Variants in SORBS2 observed in about 807,000 individuals in gnomAD.
SORBS2 encodes the protein sorbin and SH3 domain containing 2, also known as sorbin and SH3 domain-containing protein 2.
SORBS2 carries 46 observed loss-of-function variants against 97.7 expected under a neutral mutation model. The ratio of observed to expected loss-of-function variants is 0.47; its 90% confidence interval spans 0.37 to 0.60. The LOEUF (loss-of-function observed/expected upper bound fraction) is 0.60. Among genes scored for constraint, SORBS2 ranks in the 20% least tolerant of loss-of-function variants. The pLI is 0.00. For missense variants in SORBS2, 1,316 were observed against 1,282.3 expected (o/e 1.03, Z -0.40); for synonymous variants, 476 against 473.4 (o/e 1.01, Z -0.07).
intron 2 of SORBS2, among the ~76,000 whole-genome samples, chr4:185,756,172 A>G (rs2098829328): frequency 1.3e-5 from 2 of 152,294 alleles, no homozygotes; most frequent in East Asian, 1.9e-4. Flanking sequence ...CGAATACAAG[A>G]TGCTCAACAG....
At chr4:185,677,383 T>C in intron 4 of SORBS2, 1 of 1,552,386 alleles carries the variant, frequency 6.4e-7, no homozygotes. Context: ...GGATCCGTGC[T>C]GGAAGCTGCT....
chr4:185,919,870 T>G (rs924164433), intron 1 of SORBS2, among the ~76,000 whole-genome samples: 1 of 152,268 alleles, frequency 6.6e-6, no homozygotes, highest in Non-Finnish European at 1.5e-5. Flanking sequence ...TGGCATATAT[T>G]TGATGCTCAA....
chr4:185,687,304 A>T (rs2097984923), intron 2 of SORBS2, among the ~76,000 whole-genome samples: 1 of 152,236 alleles, frequency 6.6e-6, no homozygotes, highest in South Asian at 2.1e-4. Context: ...CTGGAATTAC[A>T]GGCGTGAGCC....
intron 1 of SORBS2, among the ~76,000 whole-genome samples, chr4:185,933,937 G>T (rs776302245): frequency 1.4e-4 from 22 of 152,176 alleles, no homozygotes; most frequent in Non-Finnish European, 2.6e-4. Context: ...TGGCTTTAAA[G>T]TCTCTCTATA....
At chr4:185,790,225 A>G (rs80010644) in intron 1 of SORBS2, among the ~76,000 whole-genome samples, 13,469 of 152,130 alleles carry the variant, frequency 0.089, 1,116 homozygotes, top group East Asian at 0.44. Flanking sequence ...AACTACACTT[A>G]TCTCCACTCA....
intron 1 of SORBS2, among the ~76,000 whole-genome samples, chr4:185,946,625 T>C (rs1259248131): frequency 6.6e-6 from 1 of 152,152 alleles, no homozygotes; most frequent in Non-Finnish European, 1.5e-5. Context: ...CAAACAAACA[T>C]CCTTCCATCT....
chr4:185,807,131 G>GA (rs1373664592), intron 1 of SORBS2, among the ~76,000 whole-genome samples: 4 of 151,828 alleles, frequency 2.6e-5, no homozygotes, highest in Non-Finnish European at 5.9e-5. Flanking sequence ...TAAATGAACA[G>GA]AAAAAAACAA....
chr4:185,895,560 C>A (rs73019901), intron 1 of SORBS2, among the ~76,000 whole-genome samples: 4,549 of 152,278 alleles, frequency 0.03, 193 homozygotes, highest in African/African-American at 0.094. Flanking sequence ...GCATCACCCC[C>A]GCCAGGATCC....
chr4:185,759,371 T>A (rs1298573132), intron 2 of SORBS2, among the ~76,000 whole-genome samples: 1 of 152,328 alleles, frequency 6.6e-6, no homozygotes, highest in East Asian at 1.9e-4. Flanking sequence ...GCCCTCTTTG[T>A]ACATGTGAGG....
At chr4:185,917,176 C>T (rs1732388130) in intron 1 of SORBS2, among the ~76,000 whole-genome samples, 2 of 152,320 alleles carry the variant, frequency 1.3e-5, no homozygotes, top group South Asian at 4.1e-4. Flanking sequence ...AGAAGCTCCG[C>T]ACCCCTTCCC....
At chr4:185,864,911 C>A (rs1386658503) in intron 1 of SORBS2, among the ~76,000 whole-genome samples, 126 of 140,736 alleles carry the variant, frequency 9.0e-4, no homozygotes, top group African/African-American at 9.9e-4. Flanking sequence ...GACTCTGTCT[C>A]AAAAAAAAAA....
intron 1 of SORBS2, chr4:185,812,834 A>G (rs958482243): frequency 6.6e-6 from 1 of 152,234 alleles, no homozygotes; most frequent in Admixed American, 6.5e-5. Flanking sequence ...TTTTTAAAAA[A>G]TCCTATTGCT....
intron 1 of SORBS2, among the ~76,000 whole-genome samples, chr4:185,913,554 GA>G (rs1222326102): frequency 6.6e-6 from 1 of 152,178 alleles, no homozygotes; most frequent in African/African-American, 2.4e-5. Context: ...CGGTAAGACT[GA>G]AGAAGTCACT....
chr4:185,595,759 G>A (rs78508473), intron 12 of SORBS2, among the ~76,000 whole-genome samples: 4,980 of 145,492 alleles, frequency 0.034, 279 homozygotes, highest in African/African-American at 0.12. Context: ...GTTAGAATTG[G>A]TCTAGTCTTT....
At chr4:185,736,904 A>C (rs899452254) in intron 2 of SORBS2, among the ~76,000 whole-genome samples, 15 of 152,194 alleles carry the variant, frequency 9.9e-5, no homozygotes, top group African/African-American at 3.6e-4. Context: ...ATTTTACCTA[A>C]CAATACCATA....
intron 1 of SORBS2, among the ~76,000 whole-genome samples, chr4:185,855,296 C>T (rs1003895556): frequency 6.6e-6 from 1 of 152,180 alleles, no homozygotes; most frequent in Non-Finnish European, 1.5e-5. Flanking sequence ...AACTACACAA[C>T]TCAGGTGTGA....
At chr4:185,888,278 G>C (rs1333348495) in intron 1 of SORBS2, among the ~76,000 whole-genome samples, 1 of 152,102 alleles carries the variant, frequency 6.6e-6, no homozygotes, top group African/African-American at 2.4e-5. Flanking sequence ...TGGATTATCT[G>C]GATGGGCTCT....
intron 4 of SORBS2, among the ~76,000 whole-genome samples, chr4:185,641,499 C>T (rs151046437): frequency 2.6e-4 from 39 of 152,062 alleles, no homozygotes; most frequent in Non-Finnish European, 4.7e-4. Flanking sequence ...ACACAGAAGC[C>T]TCGCAACAGT....
intron 2 of SORBS2, among the ~76,000 whole-genome samples, chr4:185,759,448 C>A (rs1584300238): frequency 6.6e-6 from 1 of 152,140 alleles, no homozygotes; most frequent in Middle Eastern, 3.4e-3. Flanking sequence ...GGGTGTGTAC[C>A]TTTTTCTAAG....
Sources: gnomAD v4.1 joint callset for allele counts (sites outside exome capture counted in the v4.1 genomes callset) on GRCh38, gnomAD v4.1.1 for gene constraint, MANE v1.5 for transcripts, NCBI Gene and HGNC (gene_info 2026-07-23, HGNC 2026-07-21) for gene names.